Variants in SMURF1 observed in about 807,000 individuals in gnomAD.
The protein encoded by SMURF1 is SMAD specific E3 ubiquitin protein ligase 1.
Under a neutral mutation model 98.0 loss-of-function variants are expected in SMURF1, and 44 were observed. The ratio of observed to expected loss-of-function variants is 0.45; its 90% CI spans 0.35 to 0.58. The LOEUF (loss-of-function observed/expected upper bound fraction) is 0.58. SMURF1 is among the 20% of genes least tolerant of loss of function. SMURF1 has a pLI of 0.00. For synonymous variants in SMURF1, 396 were observed against 374.9 expected (o/e 1.06, Z -0.65); for missense variants, 687 against 938.4 (o/e 0.73, Z 3.50).
At chr7:99,084,250 T>C (rs1335583801) in intron 1 of SMURF1, among the ~76,000 whole-genome samples, 1 of 152,238 alleles carries the variant, frequency 6.6e-6, no homozygotes, top group Non-Finnish European at 1.5e-5. Context: ...TACCTTGAAT[T>C]ATTTCTTTAA....
At chr7:99,076,090 G>A (rs1255364078) in intron 1 of SMURF1, among the ~76,000 whole-genome samples, 1 of 151,814 alleles carries the variant, frequency 6.6e-6, no homozygotes, top group Non-Finnish European at 1.5e-5. Flanking sequence ...ATTTTTTATA[G>A]CGATGGGGTC....
intron 1 of SMURF1, among the ~76,000 whole-genome samples, chr7:99,113,014 A>G (rs943161232): frequency 5.9e-5 from 9 of 152,130 alleles, no homozygotes; most frequent in African/African-American, 1.9e-4. Flanking sequence ...TTAAATAAAG[A>G]GAGTCTAAGA....
chr7:99,077,356 T>C (rs1196893562), intron 1 of SMURF1, among the ~76,000 whole-genome samples: 1 of 151,220 alleles, frequency 6.6e-6, no homozygotes, highest in Non-Finnish European at 1.5e-5. Flanking sequence ...TTTTTTGAGA[T>C]GGAGTCTCGC....
At chr7:99,043,627 T>C (rs1286478166) in intron 11 of SMURF1, among the ~76,000 whole-genome samples, 1 of 152,162 alleles carries the variant, frequency 6.6e-6, no homozygotes, top group Non-Finnish European at 1.5e-5. Context: ...AGAAAGAAAA[T>C]GTGCGAAGAA....
chr7:99,113,837 TAAAAAAAAAAAAAAA>T (rs71118659), intron 1 of SMURF1, among the ~76,000 whole-genome samples: 70 of 33,976 alleles, frequency 2.1e-3, no homozygotes, highest in Admixed American at 5.8e-3. Context: ...AGACTCCGTC[TAAAAAAAAAAAAAAA>T]AAAAAAAAAA....
chr7:99,063,082 T>G (rs1796073245), intron 1 of SMURF1, among the ~76,000 whole-genome samples: 1 of 150,806 alleles, frequency 6.6e-6, no homozygotes, highest in South Asian at 2.1e-4. Context: ...ATTAAGCACT[T>G]GTATTTTACA....
chr7:99,108,632 A>AG lies in SMURF1; in HGVS notation c.55+35093_55+35094insC, dbSNP rs59438070. On this transcript the variant is annotated intron_variant, in intron 1 of 17. Coordinates refer to ENST00000361368, the MANE Select transcript of SMURF1 (RefSeq NM_181349.3). The stretch of plus-strand genomic sequence containing the variant: ...GTCTCAAAAAAAAAAAAAAAAAAAA[A>AG]AAAGAAAGAAAGAAAGAAAAAAAGA... 1.5e-3 allele frequency among the ~76,000 whole-genome samples: 224 copies of AG among 145,116 alleles called. 1 individual carries two copies. Among genetic ancestry groups the AG allele is most frequent in the African/African-American group, 4.6e-3 (179 of 38,672 alleles).
chr7:99,104,874 G>T (rs1188752755), intron 1 of SMURF1, among the ~76,000 whole-genome samples: 2 of 152,212 alleles, frequency 1.3e-5, no homozygotes, highest in Non-Finnish European at 2.9e-5. Flanking sequence ...TGACCAGGAT[G>T]CTGGTTTCCT....
At chr7:99,098,831 T>C (rs1050308114) in intron 1 of SMURF1, among the ~76,000 whole-genome samples, 2 of 152,138 alleles carry the variant, frequency 1.3e-5, no homozygotes, top group African/African-American at 4.8e-5. Context: ...ATAAGATCCT[T>C]TAAGGAGGTT....
At position 99,030,219 on chromosome 7, in the gene SMURF1, C is replaced by G. The variant is rs576971657; in HGVS notation, c.*365G>C. 4.8e-4 allele frequency: 95 copies of G among 197,530 alleles called. No individual in the cohort carries two copies. The highest frequency in any genetic ancestry group is 3.9e-4 in the Non-Finnish European group (37 of 95,686). 12.2% of individuals were successfully genotyped at this position (197,530 alleles called of 1,614,324 possible). On this transcript the variant is annotated 3_prime_UTR_variant, in exon 18 of 18. Coordinates refer to ENST00000361368, the MANE Select transcript of SMURF1 (RefSeq NM_181349.3). The stretch of plus-strand genomic sequence containing the variant: ...AGTTCCAAACCCTCAATCAGCCACG[C>G]CCAGTCCCCTAACTGTGAGTTGATG...
chr7:99,061,526 A>G (rs1051900697), intron 2 of SMURF1, among the ~76,000 whole-genome samples: 3 of 152,220 alleles, frequency 2.0e-5, no homozygotes, highest in Non-Finnish European at 4.4e-5. Context: ...AGAAAGCAAT[A>G]TTCTAATAGG....
intron 11 of SMURF1, among the ~76,000 whole-genome samples, chr7:99,042,779 A>G (rs1795437656): frequency 6.6e-6 from 1 of 152,214 alleles, no homozygotes; most frequent in African/African-American, 2.4e-5. Context: ...ATTCTGCTCA[A>G]AACTCCTTTT....
intron 1 of SMURF1, among the ~76,000 whole-genome samples, chr7:99,136,411 T>C (rs193244976): frequency 5.3e-4 from 80 of 152,362 alleles, no homozygotes; most frequent in East Asian, 5.8e-4. Context: ...TCTTTGCATG[T>C]TGATTTTATC....
At chr7:99,118,586 A>G (rs1379903415) in intron 1 of SMURF1, among the ~76,000 whole-genome samples, 1 of 152,220 alleles carries the variant, frequency 6.6e-6, no homozygotes, top group East Asian at 1.9e-4. Context: ...CATGTAGAAC[A>G]GGCAAATTCA....
intron 1 of SMURF1, among the ~76,000 whole-genome samples, chr7:99,093,867 T>G (rs1796870657): frequency 2.0e-5 from 3 of 152,156 alleles, no homozygotes; most frequent in Admixed American, 2.0e-4. Context: ...CTTTACAATC[T>G]AAATGTTCAA....
At chr7:99,083,596 G>T (rs1185457093) in intron 1 of SMURF1, among the ~76,000 whole-genome samples, 2 of 152,160 alleles carry the variant, frequency 1.3e-5, no homozygotes, top group Non-Finnish European at 2.9e-5. Flanking sequence ...CAAAATTACT[G>T]AAGTAGTCTC....
rs142007536 is a variant in SMURF1, at chr7:99,059,767, G to A, written c.203+832C>T. ...AACTAAAAATACAAAAATTAGTTGG[G>A]CATGCTGGCGGATGCCTGTAATTCC... On this transcript the variant is annotated intron_variant, in intron 3 of 17. Coordinates refer to ENST00000361368, the MANE Select transcript of SMURF1 (RefSeq NM_181349.3). Among the ~76,000 whole-genome samples, 1,334 of 152,078 alleles carry A rather than the reference G, an allele frequency of 8.8e-3. 17 individuals are homozygous for A. Among genetic ancestry groups the A allele is most frequent in the African/African-American group, 0.029 (1,193 of 41,498 alleles).
rs184069623 is a variant in SMURF1 at position 99,070,034 on chromosome 7, C to A, written c.56-8197G>T. 7.1e-3 allele frequency among the ~76,000 whole-genome samples: 1,083 copies of A among 152,328 alleles called. 8 individuals carry two copies. The highest frequency in any genetic ancestry group is 0.02 in the Middle Eastern group (6 of 294). On this transcript the variant is annotated intron_variant, in intron 1 of 17. Coordinates refer to ENST00000361368, the MANE Select transcript of SMURF1 (RefSeq NM_181349.3). ...AGTCCTGAGGTAAGTTTTCAAAACA[C>A]CTGTTTGCTTAAAATATGGATGTTA...
intron 1 of SMURF1, among the ~76,000 whole-genome samples, chr7:99,106,235 C>T: frequency 6.6e-6 from 1 of 152,166 alleles, no homozygotes; most frequent in East Asian, 1.9e-4. Context: ...AAGTTAAGAA[C>T]ATTGGGGTGT....
Sources: allele counts gnomAD v4.1 joint callset (sites outside exome capture counted in the v4.1 genomes callset), GRCh38; gene constraint gnomAD v4.1.1; transcripts MANE v1.5; gene names NCBI Gene and HGNC (gene_info 2026-07-23, HGNC 2026-07-21).